The following NXN variants were observed in gnomAD, a reference collection of about 807,000 sequenced individuals.
NXN encodes nucleoredoxin 1.
In NXN, 16 loss-of-function variants were observed where a neutral mutation model predicts 48.6. The observed-to-expected ratio is 0.33, with a 90% confidence interval of 0.22 to 0.50. The LOEUF (loss-of-function observed/expected upper bound fraction) is 0.50. NXN is among the 20% of genes least tolerant of loss of function. The pLI, the probability that NXN is intolerant of heterozygous loss-of-function variation, is 0.98. For missense variants in NXN, 492 were observed against 605.5 expected, an observed-to-expected ratio of 0.81 and a Z score of 1.97; for synonymous variants, 281 against 269.6, an observed-to-expected ratio of 1.04 and a Z score of -0.41.
At chr17:905,074 C>T (rs1208061032) in intron 1 of NXN, 2 of 152,054 alleles carry the variant, frequency 1.3e-5, no homozygotes, top group Non-Finnish European at 2.9e-5. Flanking sequence ...TGAATCAAGA[C>T]TTACCTGGAA....
intron 1 of NXN, among the ~76,000 whole-genome samples, chr17:845,287 G>C (rs1162090152): frequency 1.3e-5 from 2 of 151,510 alleles, no homozygotes; most frequent in Non-Finnish European, 2.9e-5. Context: ...ACATCCGAGA[G>C]AGAATTCCAC....
intron 1 of NXN, among the ~76,000 whole-genome samples, chr17:838,989 TG>T (rs1183862256): frequency 6.6e-6 from 1 of 152,164 alleles, no homozygotes; most frequent in African/African-American, 2.4e-5. Flanking sequence ...ATCCCCGCTC[TG>T]CTATGAACCA....
intron 1 of NXN, among the ~76,000 whole-genome samples, chr17:974,560 A>C (rs764295139): frequency 1.1e-4 from 17 of 151,966 alleles, no homozygotes; most frequent in Non-Finnish European, 1.9e-4. Context: ...TTACACAATA[A>C]GGCAGGTGCT....
chr17:835,082 G>C (rs1040123009), intron 1 of NXN, among the ~76,000 whole-genome samples: 2 of 151,464 alleles, frequency 1.3e-5, no homozygotes, highest in Non-Finnish European at 2.9e-5. Flanking sequence ...GCCGAGGCGG[G>C]CGGATCACAA....
intron 1 of NXN, among the ~76,000 whole-genome samples, chr17:930,732 G>A (rs377159054): frequency 9.3e-5 from 14 of 150,950 alleles, no homozygotes; most frequent in Non-Finnish European, 1.6e-4. Context: ...CAGGAAAACC[G>A]TAAATGGTGG....
At chr17:802,937 A>G (rs1567806351) in intron 7 of NXN, among the ~76,000 whole-genome samples, 1 of 40,042 alleles carries the variant, frequency 2.5e-5, no homozygotes, top group African/African-American at 1.1e-4. Context: ...TCTGTCAGTC[A>G]GTGGGGTGGG....
chr17:946,882 G>A (rs752830748), intron 1 of NXN, among the ~76,000 whole-genome samples: 1 of 152,232 alleles, frequency 6.6e-6, no homozygotes, highest in Non-Finnish European at 1.5e-5. Flanking sequence ...CCTGGCACGG[G>A]GAGGTTGCAG....
intron 1 of NXN, among the ~76,000 whole-genome samples, chr17:827,374 G>A (rs899587963): frequency 6.6e-6 from 1 of 152,144 alleles, no homozygotes; most frequent in African/African-American, 2.4e-5. Flanking sequence ...TGTAATCCCA[G>A]CACTTTGGGA....
chr17:824,327 G>A (rs1191013303), intron 2 of NXN, among the ~76,000 whole-genome samples: 3 of 152,142 alleles, frequency 2.0e-5, no homozygotes, highest in Non-Finnish European at 4.4e-5. Context: ...AATTACAGGC[G>A]TGAGCCACCG....
chr17:804,668 C>T (rs182188327), intron 6 of NXN, among the ~76,000 whole-genome samples: 32 of 152,312 alleles, frequency 2.1e-4, no homozygotes, highest in African/African-American at 5.5e-4. Flanking sequence ...AGGCAGCCAC[C>T]GGGCTGGAGC....
intron 1 of NXN, among the ~76,000 whole-genome samples, chr17:889,074 C>T (rs2068380708): frequency 6.6e-6 from 1 of 151,818 alleles, no homozygotes; most frequent in South Asian, 2.1e-4. Flanking sequence ...GAGAAAGACA[C>T]TAATGTTTGT....
At chr17:930,793 C>T (rs62070226) in intron 1 of NXN, among the ~76,000 whole-genome samples, 1 of 145,282 alleles carries the variant, frequency 6.9e-6, no homozygotes, top group Non-Finnish European at 1.5e-5. Context: ...TTTTTTTAGA[C>T]AGAATCTCGC....
chr17:805,037 C>T (rs1423276177), intron 6 of NXN, 31 bp downstream of exon 6: 3 of 1,543,510 alleles, frequency 1.9e-6, no homozygotes, highest in Admixed American at 2.0e-5. Context: ...CCCCAGCCAC[C>T]CCTCGCCCCC....
chr17:868,271 TC>T (rs1227156328), intron 1 of NXN, among the ~76,000 whole-genome samples: 2 of 152,096 alleles, frequency 1.3e-5, no homozygotes, highest in Non-Finnish European at 2.9e-5. Context: ...CACGTGGGAT[TC>T]CCTCTATCCC....
intron 1 of NXN, among the ~76,000 whole-genome samples, chr17:914,638 G>A (rs928678758): frequency 4.6e-5 from 7 of 152,178 alleles, no homozygotes; most frequent in African/African-American, 9.6e-5. Context: ...GCTGAGCATC[G>A]AACCAGGCGG....
intron 1 of NXN, among the ~76,000 whole-genome samples, chr17:841,610 A>ATCTCACACGGGC (rs1567828085): frequency 3.1e-4 from 3 of 9,692 alleles, no homozygotes; most frequent in Admixed American, 2.1e-3. Flanking sequence ...CCCCGACCAC[A>ATCTCACACGGGC]GAGCATCTCA....
At chr17:864,127 C>A in intron 1 of NXN, 2 of 1,463,836 alleles carry the variant, frequency 1.4e-6, no homozygotes, top group South Asian at 1.4e-5. Context: ...TGCTCACTTC[C>A]GGTGAAGGGG....
chr17:813,696 C>T lies in NXN; in HGVS notation c.820+5743G>A, dbSNP rs551640942. ...TTAAGAGACTACGGCCGGCCGGGCG[C>T]GGTGGCTCACGCCTGTAATCCCAGC... On this transcript the variant is annotated intron_variant, in intron 5 of 7. Coordinates refer to ENST00000336868, the MANE Select transcript of NXN (RefSeq NM_022463.5). Among the ~76,000 whole-genome samples the T allele has an allele frequency of 2.6e-4, 39 of 152,258 alleles. No homozygotes were observed. In the South Asian group the frequency reaches 3.1e-3, roughly 12 times the overall value.
chr17:948,203 A>G (rs1033216227), intron 1 of NXN, among the ~76,000 whole-genome samples: 2 of 152,210 alleles, frequency 1.3e-5, no homozygotes, highest in African/African-American at 2.4e-5. Context: ...ATTAGGAATT[A>G]TAAGTAATCT....
Sources: gnomAD v4.1 joint callset for allele counts (sites outside exome capture counted in the v4.1 genomes callset) on GRCh38, gnomAD v4.1.1 for gene constraint, MANE v1.5 for transcripts, NCBI Gene and HGNC (gene_info 2026-07-23, HGNC 2026-07-21) for gene names.